Variants in DPF3 observed in about 807,000 individuals in gnomAD.
The protein encoded by DPF3 is double PHD fingers 3.
In DPF3, 18 loss-of-function variants were observed where a neutral mutation model predicts 56.8. The ratio of observed to expected loss-of-function variants is 0.32; its 90% CI spans 0.22 to 0.47. The LOEUF (loss-of-function observed/expected upper bound fraction) is 0.47. Among genes scored for constraint, DPF3 ranks in the 20% least tolerant of loss-of-function variants. DPF3 has a pLI of 1.00. For missense variants in DPF3, 403 were observed against 488.8 expected, an observed-to-expected ratio of 0.82 and a Z score of 1.65; for synonymous variants, 188 against 180.2, an observed-to-expected ratio of 1.04 and a Z score of -0.35.
chr14:72,721,537 A>ACGGAGGGG (rs1388235469), intron 5 of DPF3, among the ~76,000 whole-genome samples: 5 of 152,194 alleles, frequency 3.3e-5, no homozygotes, highest in African/African-American at 1.2e-4. Flanking sequence ...CCAGTTTATC[A>ACGGAGGGG]ATGGCTGCAA....
intron 1 of DPF3, among the ~76,000 whole-genome samples, chr14:72,832,967 A>G (rs929862259): frequency 3.3e-5 from 5 of 152,224 alleles, no homozygotes; most frequent in African/African-American, 4.8e-5. Flanking sequence ...GGGGAATATG[A>G]CTTGGAGAGA....
At chr14:72,673,650 T>C (rs894077970) in intron 8 of DPF3, among the ~76,000 whole-genome samples, 1 of 152,220 alleles carries the variant, frequency 6.6e-6, no homozygotes, top group African/African-American at 2.4e-5. Context: ...AACTGCAGAT[T>C]AGCCCTAGGA....
intron 1 of DPF3, chr14:72,892,305 T>C: frequency 2.0e-6 from 3 of 1,535,494 alleles, no homozygotes. Context: ...GCAGCGAGGA[T>C]GCGGCGAAGT....
At chr14:72,783,845 C>T (rs76306719) in intron 1 of DPF3, among the ~76,000 whole-genome samples, 2,119 of 152,238 alleles carry the variant, frequency 0.014, 43 homozygotes, top group African/African-American at 0.048. Flanking sequence ...AGAGCTGATC[C>T]GTGTCCTCCT....
chr14:72,728,937 G>A (rs1260736593), intron 4 of DPF3, among the ~76,000 whole-genome samples: 1 of 152,076 alleles, frequency 6.6e-6, no homozygotes, highest in Non-Finnish European at 1.5e-5. Context: ...AGTACGGCAC[G>A]GTCAGGGACA....
At position 72,867,070 on chromosome 14, in the gene DPF3, T is replaced by G. The variant is rs1425869384; in HGVS notation, c.32+26987A>C. The stretch of plus-strand genomic sequence containing the variant: ...AGGACGGCTTTTATTTTTAATAAAA[T>G]AATTTTTATAGAGATGGGGTCTCAC... On this transcript the variant is annotated intron_variant, in intron 1 of 10. Transcript: ENST00000556509. 2.9e-5 allele frequency among the ~76,000 whole-genome samples: 4 copies of G among 137,628 alleles called. No homozygotes were observed. The East Asian group carries it at 7.8e-4, about 27-fold the overall frequency. 90.3% of individuals were successfully genotyped at this position (137,628 alleles called of 152,430 possible).
chr14:72,882,008 C>G (rs950986688), intron 1 of DPF3, among the ~76,000 whole-genome samples: 1 of 152,108 alleles, frequency 6.6e-6, no homozygotes, highest in Non-Finnish European at 1.5e-5. Flanking sequence ...AGGACTGTGA[C>G]GTTGGAACCT....
chr14:72,874,396 T>G (rs1032213626), intron 1 of DPF3, among the ~76,000 whole-genome samples: 6 of 151,846 alleles, frequency 4.0e-5, no homozygotes, highest in African/African-American at 7.3e-5. Flanking sequence ...GGAGAATCAC[T>G]TGAACCCAGG....
intron 1 of DPF3, among the ~76,000 whole-genome samples, chr14:72,801,213 A>G (rs1262851754): frequency 6.6e-6 from 1 of 152,244 alleles, no homozygotes. Flanking sequence ...CAGAGGATGC[A>G]GGCACTGGGT....
At chr14:72,670,635 TTC>T (rs140358812) in intron 8 of DPF3, 27,651 of 549,172 alleles carry the variant, frequency 0.05, 8 homozygotes, top group Non-Finnish European at 0.059. Context: ...TTGATTTCCC[TTC>T]TCTCTCTCTC....
At chr14:72,869,458 A>C (rs1885807087) in intron 1 of DPF3, among the ~76,000 whole-genome samples, 1 of 152,196 alleles carries the variant, frequency 6.6e-6, no homozygotes, top group South Asian at 2.1e-4. Context: ...GATGAAGAAA[A>C]AAAGTGAGAC....
At chr14:72,639,917 T>C (rs1042805933) in intron 8 of DPF3, among the ~76,000 whole-genome samples, 2 of 151,552 alleles carry the variant, frequency 1.3e-5, no homozygotes, top group Admixed American at 6.6e-5. Context: ...ATAAGTGCCA[T>C]AATAGGAGAA....
chr14:72,861,962 C>T (rs530958590), intron 1 of DPF3, among the ~76,000 whole-genome samples: 16 of 152,164 alleles, frequency 1.1e-4, no homozygotes, highest in Non-Finnish European at 2.9e-5. Flanking sequence ...GTATTATATG[C>T]TTTCACCCAT....
intron 1 of DPF3, among the ~76,000 whole-genome samples, chr14:72,845,642 A>G (rs1185805932): frequency 6.6e-6 from 1 of 152,186 alleles, no homozygotes; most frequent in Non-Finnish European, 1.5e-5. Context: ...GTGACGTCCA[A>G]TTCCAAGACC....
At chr14:72,831,069 C>G (rs1212050267) in intron 1 of DPF3, among the ~76,000 whole-genome samples, 1 of 152,152 alleles carries the variant, frequency 6.6e-6, no homozygotes, top group Admixed American at 6.5e-5. Context: ...TACTGCTGTC[C>G]TTCTTGGATA....
chr14:72,765,639 C>A (rs1215277011), intron 2 of DPF3, among the ~76,000 whole-genome samples: 1 of 152,118 alleles, frequency 6.6e-6, no homozygotes, highest in Non-Finnish European at 1.5e-5. Context: ...CCAGACATGC[C>A]CTTGTCCCTA....
chr14:72,785,559 T>C (rs1422035561), intron 1 of DPF3, among the ~76,000 whole-genome samples: 1 of 152,184 alleles, frequency 6.6e-6, no homozygotes, highest in Non-Finnish European at 1.5e-5. Flanking sequence ...CTTCCTTTCT[T>C]GGAGGCACTA....
In DPF3 at chr14:72,771,864, A is replaced by G. The variant is rs749255628; in HGVS notation, c.62T>C (p.Ile21Thr). Residue 21 changes from isoleucine to threonine, a missense_variant, in exon 2 of 11, where the codon ATT (isoleucine) becomes ACT (threonine). By Grantham distance (89) the Ile-to-Thr change is moderately conservative. Transcript: ENST00000556509. ...TGAGTTGTAACTCCGGCAGTGCTCA[A>G]TGGCTTCCTTGTAGAACTGGTCCCC... ...ALGDQFYKEA[I>T]EHCRSYNSRL... is the part of the protein sequence containing the mutation. The G allele has an allele frequency of 6.2e-7, 1 of 1,606,444 alleles. No homozygotes were observed. Among genetic ancestry groups the G allele is most frequent in the Non-Finnish European group, 8.5e-7 (1 of 1,176,220 alleles).
At chr14:72,700,386 A>C (rs1469340700) in intron 6 of DPF3, among the ~76,000 whole-genome samples, 1 of 152,198 alleles carries the variant, frequency 6.6e-6, no homozygotes, top group Non-Finnish European at 1.5e-5. Context: ...TTCATTTTGC[A>C]GTGGACCCTA....
Sources: gnomAD v4.1 joint callset for allele counts (sites outside exome capture counted in the v4.1 genomes callset) on GRCh38, gnomAD v4.1.1 for gene constraint, MANE v1.5 for transcripts, NCBI Gene and HGNC (gene_info 2026-07-23, HGNC 2026-07-21) for gene names.